ITGB3BP: variants seen among roughly 807,000 people sequenced by gnomAD.
ITGB3BP encodes centromere protein R.
In ITGB3BP, 27 loss-of-function variants were observed where a neutral mutation model predicts 29.1. The ratio of observed to expected loss-of-function variants is 0.93; its 90% confidence interval spans 0.68 to 1.28. The LOEUF (loss-of-function observed/expected upper bound fraction) is 1.28, where lower values mean the gene tolerates loss of function less well. ITGB3BP is among the 50% of genes most tolerant of loss of function. The probability of loss-of-function intolerance (pLI) is 0.00; values close to 1 mark genes in which losing one functional copy is unlikely to be tolerated. For synonymous variants in ITGB3BP, 61 were observed against 61.4 expected (o/e 0.99, Z 0.03); for missense variants, 192 against 200.2 (o/e 0.96, Z 0.25).
upstream of ITGB3BP, chr1:63,525,905 C>A: frequency 1.8e-6 from 1 of 571,418 alleles, no homozygotes; most frequent in Non-Finnish European, 3.0e-6. Flanking sequence ...GCTATTATGT[C>A]ATATCATATA....
At chr1:63,487,222 A>T (rs1283919862) in intron 3 of ITGB3BP, among the ~76,000 whole-genome samples, 1 of 151,988 alleles carries the variant, frequency 6.6e-6, no homozygotes, top group Non-Finnish European at 1.5e-5. Flanking sequence ...AGGGTTTTAC[A>T]AATTGTCACA....
intron 8 of ITGB3BP, among the ~76,000 whole-genome samples, chr1:63,443,695 G>A (rs1034282608): frequency 2.0e-5 from 3 of 152,146 alleles, no homozygotes; most frequent in African/African-American, 7.2e-5. Flanking sequence ...TGGAAGAGAG[G>A]TAATGGAGAA....
intron 8 of ITGB3BP, chr1:63,442,389 TATA>T (rs923199075): frequency 1.3e-5 from 2 of 152,164 alleles, no homozygotes; most frequent in Non-Finnish European, 2.9e-5. Flanking sequence ...CCTTTTTTAT[TATA>T]ATACTTCCTA....
intron 1 of ITGB3BP, among the ~76,000 whole-genome samples, chr1:63,515,993 A>G (rs558357233): frequency 1.3e-5 from 2 of 150,600 alleles, no homozygotes; most frequent in Admixed American, 6.6e-5. Flanking sequence ...GTGTCCATCA[A>G]TGGATGACTG....
At chr1:63,469,046 TCA>T (rs780409993) in intron 4 of ITGB3BP, among the ~76,000 whole-genome samples, 1 of 21,988 alleles carries the variant, frequency 4.5e-5, no homozygotes. Flanking sequence ...TGAGACTGTT[TCA>T]AAAAAAAAAA....
chr1:63,525,593 C>T (rs765019829), upstream of ITGB3BP: 126 of 1,567,848 alleles, frequency 8.0e-5, no homozygotes, highest in Non-Finnish European at 1.0e-4. Flanking sequence ...GTCCACGAAG[C>T]GATGCAACTT....
intron 2 of ITGB3BP, among the ~76,000 whole-genome samples, chr1:63,502,137 GC>G (rs1427214054): frequency 5.9e-5 from 9 of 152,260 alleles, no homozygotes; most frequent in African/African-American, 2.2e-4. Context: ...ACTGCCATCG[GC>G]AACAGTTTGT....
chr1:63,494,501 G>A (rs1645740964), intron 2 of ITGB3BP, among the ~76,000 whole-genome samples: 2 of 152,136 alleles, frequency 1.3e-5, no homozygotes, highest in South Asian at 2.1e-4. Flanking sequence ...TGGTAGCCAT[G>A]GAGAACAGAA....
At chr1:63,511,309 G>A (rs1459046275) in intron 1 of ITGB3BP, among the ~76,000 whole-genome samples, 1 of 152,126 alleles carries the variant, frequency 6.6e-6, no homozygotes, top group Non-Finnish European at 1.5e-5. Context: ...TGTTGGTGAG[G>A]ATGTAGAGAA....
chr1:63,512,223 G>A (rs1215792981), intron 1 of ITGB3BP, among the ~76,000 whole-genome samples: 1 of 152,046 alleles, frequency 6.6e-6, no homozygotes, highest in African/African-American at 2.4e-5. Flanking sequence ...ATTTTATAGA[G>A]AGAGTAACTA....
intron 4 of ITGB3BP, among the ~76,000 whole-genome samples, chr1:63,466,887 G>T (rs1645107767): frequency 6.6e-6 from 1 of 152,118 alleles, no homozygotes; most frequent in South Asian, 2.1e-4. Context: ...TCTCCAAGCT[G>T]CAGGGTGAGA....
intron 4 of ITGB3BP, among the ~76,000 whole-genome samples, chr1:63,459,360 C>T (rs1294028454): frequency 1.3e-5 from 2 of 152,156 alleles, no homozygotes; most frequent in Non-Finnish European, 2.9e-5. Flanking sequence ...AAAGTTATTA[C>T]CTCTAAGAAA....
At chr1:63,487,431 T>C (rs1046335872) in intron 3 of ITGB3BP, among the ~76,000 whole-genome samples, 2 of 152,060 alleles carry the variant, frequency 1.3e-5, no homozygotes, top group African/African-American at 2.4e-5. Context: ...CACATACATA[T>C]AGAGTTATGT....
At chr1:63,522,344 A>G (rs759015890) in intron 1 of ITGB3BP, among the ~76,000 whole-genome samples, 3 of 152,292 alleles carry the variant, frequency 2.0e-5, no homozygotes, top group Non-Finnish European at 4.4e-5. Flanking sequence ...TCCTGAAATA[A>G]ACTAAGGAAC....
chr1:63,484,840 A>C (rs1013573887), intron 3 of ITGB3BP, among the ~76,000 whole-genome samples: 2 of 152,106 alleles, frequency 1.3e-5, no homozygotes, highest in East Asian at 3.8e-4. Flanking sequence ...TTGTGGATTT[A>C]TCAGTTTCTC....
In ITGB3BP at chr1:63,478,790, T is replaced by C; in HGVS notation, c.228A>G (p.Lys76=). The C allele has an allele frequency of 6.8e-7, 1 of 1,464,674 alleles. No individual in the cohort carries two copies. Among genetic ancestry groups the C allele is most frequent in the Non-Finnish European group, 9.3e-7 (1 of 1,080,518 alleles). The allele number at this position is 1,464,674 out of a possible 1,614,324, so 90.7% of individuals were successfully genotyped here. A position where few individuals can be genotyped will look rare whatever the true frequency, so the allele number is the denominator to read the frequency against. Residue 76 remains lysine, a synonymous_variant, in exon 4 of 9, where the codon AAA becomes AAG. Transcript: ENST00000271002. ...CATCATTGTCTTTTGTTGTAGATTCTTTGCTTTCAGTTAAACTGGGGTGAT... is the reference window on the plus strand; with the variant it reads ...CATCATTGTCTTTTGTTGTAGATTCCTTGCTTTCAGTTAAACTGGGGTGAT... The part of the protein sequence containing the change: ...KLNHPSLTES[K]ESTTKDNDEF...
intron 2 of ITGB3BP, among the ~76,000 whole-genome samples, chr1:63,499,684 T>C (rs575734625): frequency 1.1e-4 from 16 of 152,236 alleles, no homozygotes; most frequent in African/African-American, 3.9e-4. Flanking sequence ...TGGTTCAACA[T>C]ACAAATATCA....
At chr1:63,502,709 C>T (rs1456655766) in intron 2 of ITGB3BP, among the ~76,000 whole-genome samples, 1 of 143,176 alleles carries the variant, frequency 7.0e-6, no homozygotes, top group African/African-American at 2.6e-5. Context: ...GTTCCCCTTA[C>T]TGTGTCCATG....
At chr1:63,512,301 C>A (rs1557654803) in intron 1 of ITGB3BP, among the ~76,000 whole-genome samples, 1 of 151,860 alleles carries the variant, frequency 6.6e-6, no homozygotes, top group African/African-American at 2.4e-5. Context: ...ATGGTAGTAT[C>A]CTGAATAGGA....
Sources: allele counts gnomAD v4.1 joint callset (sites outside exome capture counted in the v4.1 genomes callset), GRCh38; gene constraint gnomAD v4.1.1; transcripts MANE v1.5; gene names NCBI Gene and HGNC (gene_info 2026-07-23, HGNC 2026-07-21).